FGFR2: variants seen among roughly 807,000 people sequenced by gnomAD.
FGFR2 encodes the protein BEK fibroblast growth factor receptor.
A neutral mutation model predicts 95.9 loss-of-function variants in FGFR2; 19 were observed. The observed-to-expected ratio is 0.20, with a 90% confidence interval of 0.14 to 0.29. The LOEUF (loss-of-function observed/expected upper bound fraction) is 0.29, where lower values mean the gene tolerates loss of function less well. Ranked by LOEUF, FGFR2 falls within the 10% of genes least tolerant of loss-of-function variation. The pLI is 1.00. For missense variants in FGFR2, 707 were observed against 1,056.9 expected (o/e 0.67, Z 4.59); for synonymous variants, 392 against 393.3 (o/e 1.00, Z 0.04).
rs867890584 is a variant in FGFR2, at chr10:121,509,496, T to G, written c.1288-5555A>C. ...CTGTTTCTTTTCTTTTTTTTTTTTT[T>G]TTTTTTTTTTTTTGGTTTGAGACAG... On this transcript the variant is annotated intron_variant, in intron 9 of 17. Transcript: ENST00000358487. Among the ~76,000 whole-genome samples, 834 of 111,842 alleles carry G rather than the reference T, an allele frequency of 7.5e-3. 7 individuals are homozygous for G. Among genetic ancestry groups the G allele is most frequent in the Middle Eastern group, 0.012 (3 of 260 alleles). The allele number at this position is 111,842 out of a possible 152,430, so 73.4% of individuals were successfully genotyped here.
At chr10:121,585,669 T>C (rs41302259) in intron 2 of FGFR2, among the ~76,000 whole-genome samples, 64 of 152,210 alleles carry the variant, frequency 4.2e-4, no homozygotes, top group African/African-American at 1.5e-3. Flanking sequence ...CCAGAAAGCA[T>C]ACCACATGCC....
At position 121,518,695 on chromosome 10, in the gene FGFR2, C is replaced by T. The variant is rs1850037591; in HGVS notation, c.940-1232G>A. On this transcript the variant is annotated intron_variant, in intron 7 of 17. Coordinates refer to ENST00000358487, the MANE Select transcript of FGFR2 (RefSeq NM_000141.5). This position sits in a 1 kb window ranked among gnomAD's most constrained non-coding sequence, Gnocchi z 4.0. ...AAGCATTGTTACCTTGCTGTTTTGG[C>T]AGGACAGTGAGCCAGGCAGACTGGT... The T allele has an allele frequency of 6.2e-7, 1 of 1,614,176 alleles. No homozygotes were observed.
intron 5 of FGFR2, among the ~76,000 whole-genome samples, chr10:121,546,541 T>C (rs947890627): frequency 2.6e-5 from 4 of 152,230 alleles, no homozygotes; most frequent in Admixed American, 1.3e-4. Context: ...CATGGGTTCT[T>C]TGATAAACAA....
chr10:121,503,153 G>A (rs557913596), intron 10 of FGFR2, among the ~76,000 whole-genome samples: 11 of 152,334 alleles, frequency 7.2e-5, no homozygotes, highest in East Asian at 5.8e-4. Context: ...GCAGCCCAAC[G>A]GAGCTCCAGT....
At chr10:121,528,160 CAAGT>C (rs1471375844) in intron 6 of FGFR2, among the ~76,000 whole-genome samples, 7 of 152,280 alleles carry the variant, frequency 4.6e-5, no homozygotes, top group South Asian at 4.1e-4. Flanking sequence ...GCAACCACTC[CAAGT>C]AAGTAAGGCC....
At chr10:121,553,915 C>G (rs533815894) in intron 4 of FGFR2, among the ~76,000 whole-genome samples, 12 of 152,314 alleles carry the variant, frequency 7.9e-5, no homozygotes, top group African/African-American at 2.4e-4. Flanking sequence ...CGGCCCAGAC[C>G]ACGCGCACCT....
intron 4 of FGFR2, among the ~76,000 whole-genome samples, chr10:121,557,681 G>A (rs1856349478): frequency 6.6e-6 from 1 of 152,068 alleles, no homozygotes; most frequent in South Asian, 2.1e-4. Context: ...TGGGTTTTTT[G>A]TTGTTTTTAT....
intron 6 of FGFR2, among the ~76,000 whole-genome samples, chr10:121,536,297 G>A (rs945344384): frequency 1.3e-5 from 2 of 152,184 alleles, no homozygotes; most frequent in African/African-American, 4.8e-5. Context: ...CATCTTTACT[G>A]AAAATGCCTT....
intron 2 of FGFR2, among the ~76,000 whole-genome samples, chr10:121,568,243 T>C (rs145398328): frequency 6.6e-6 from 1 of 152,276 alleles, no homozygotes; most frequent in Non-Finnish European, 1.5e-5. Flanking sequence ...CCAAACGCTA[T>C]TGGTCCAACC....
At chr10:121,597,934 T>TC in intron 1 of FGFR2, 28 bp downstream of exon 1, 1 of 390,810 alleles carries the variant, frequency 2.6e-6, no homozygotes, top group Non-Finnish European at 4.5e-6. Context: ...CTGGCGAAGC[T>TC]CCCCGAGGCG....
chr10:121,492,777 G>A (rs1846303861), intron 13 of FGFR2, among the ~76,000 whole-genome samples: 1 of 152,226 alleles, frequency 6.6e-6, no homozygotes, highest in African/African-American at 2.4e-5. Context: ...CCTCCAGTAA[G>A]TGGCTTTGGA....
At chr10:121,481,738 C>A (rs994550385) in intron 17 of FGFR2, 4 of 227,416 alleles carry the variant, frequency 1.8e-5, no homozygotes, top group Admixed American at 1.7e-4. Flanking sequence ...TCAACGGACC[C>A]ACTCTACATG....
At chr10:121,573,492 AAG>A (rs948261460) in intron 2 of FGFR2, among the ~76,000 whole-genome samples, 4 of 152,138 alleles carry the variant, frequency 2.6e-5, no homozygotes, top group Non-Finnish European at 4.4e-5. Flanking sequence ...AGGAAGAAGA[AAG>A]AGAGAAAGAA....
intron 2 of FGFR2, among the ~76,000 whole-genome samples, chr10:121,571,454 C>T (rs903915081): frequency 2.0e-5 from 3 of 151,834 alleles, no homozygotes; most frequent in East Asian, 2.0e-4. Context: ...CATGCCATCA[C>T]GCCTGGGAAT....
At chr10:121,565,412 A>G (rs1488591335) in intron 3 of FGFR2, 26 bp downstream of exon 3, 1 of 1,613,478 alleles carries the variant, frequency 6.2e-7, no homozygotes, top group Non-Finnish European at 8.5e-7. Context: ...GAGAAGAGAG[A>G]GCATAGTGCT....
In FGFR2 at chr10:121,485,585, C is replaced by T. The variant is rs7099383; in HGVS notation, c.2058-53G>A. On this transcript the variant is annotated intron_variant, in intron 15 of 17. Transcript: ENST00000358487. The surrounding 1 kb of genome is among the most constrained non-coding windows in gnomAD (Gnocchi z 4.2). ...TACTAACCCATCCACGTTGCCAAAA[C>T]CTAAACACGCCCAGCTGAGACATAA... 260 of 1,613,148 alleles carry T rather than the reference C, an allele frequency of 1.6e-4. No homozygotes were observed. The African/African-American group carries it at 2.9e-3, about 18-fold the overall frequency.
Position 121,520,226 on chromosome 10 carries a change from A to G in FGFR2, c.749-57T>C, listed in dbSNP as rs1850333351. 26 of 1,540,302 alleles carry G rather than the reference A, an allele frequency of 1.7e-5. No individual in the cohort carries two copies. In the South Asian group the frequency reaches 2.2e-4, roughly 13 times the overall value. On this transcript the variant is annotated intron_variant, in intron 6 of 17. Coordinates refer to ENST00000358487, the MANE Select transcript of FGFR2 (RefSeq NM_000141.5). The stretch of plus-strand genomic sequence containing the variant: ...GGATGGGAGAATGAGAGACCAATAA[A>G]TAAGCTGTGTTGTCCAGAGGGCTGT...
In FGFR2 at chr10:121,538,577, G is replaced by C. The variant is rs760799515; in HGVS notation, c.748+15C>G. 24 of 1,614,178 alleles carry C rather than the reference G, an allele frequency of 1.5e-5. No individual in the cohort carries two copies. In the South Asian group the frequency reaches 2.5e-4, roughly 17 times the overall value. The stretch of plus-strand genomic sequence containing the variant: ...GGCTGGTATGCAGCCGCCACACGAG[G>C]AGAGGCAAACTCACCCACAACATCC... On this transcript the variant is annotated intron_variant, in intron 6 of 17. Coordinates refer to ENST00000358487, the MANE Select transcript of FGFR2 (RefSeq NM_000141.5).
At chr10:121,563,381 A>AAT (rs149237688) in intron 4 of FGFR2, among the ~76,000 whole-genome samples, 6 of 151,844 alleles carry the variant, frequency 4.0e-5, no homozygotes, top group Admixed American at 2.6e-4. Context: ...CTCGGGAAAA[A>AAT]ATATATATAT....
Sources: gnomAD v4.1 joint callset for allele counts (sites outside exome capture counted in the v4.1 genomes callset) on GRCh38, gnomAD v4.1.1 for gene constraint, Gnocchi (gnomAD v3.1) non-coding constraint, MANE v1.5 for transcripts, NCBI Gene and HGNC (gene_info 2026-07-23, HGNC 2026-07-21) for gene names.